RPUSD3: variants seen among roughly 807,000 people sequenced by gnomAD.
RPUSD3 encodes RNA pseudouridine synthase D3, also known as mitochondrial mRNA pseudouridine synthase RPUSD3.
Under a neutral mutation model 35.1 loss-of-function variants are expected in RPUSD3, and 36 were observed. That is an observed-to-expected ratio of 1.02 (90% CI 0.79 to 1.35). The LOEUF is 1.35. RPUSD3 is among the 40% of genes most tolerant of loss of function. The pLI, the probability that RPUSD3 is intolerant of heterozygous loss-of-function variation, is 0.00. For synonymous variants in RPUSD3, 202 were observed against 187.8 expected, an observed-to-expected ratio of 1.08 and a Z score of -0.62; for missense variants, 486 against 441.9, an observed-to-expected ratio of 1.10 and a Z score of -0.89.
intron 1 of RPUSD3, 139 bp from the exon 2 acceptor site, chr3:9,843,740 A>G (rs1348484041): frequency 1.9e-6 from 3 of 1,539,346 alleles, no homozygotes; most frequent in African/African-American, 2.7e-5. Context: ...AAATTCAGGT[A>G]CGACCGGTCC....
At position 9,840,710 on chromosome 3, in the gene RPUSD3, GTGGGCCTT is replaced by G. The variant is rs780700588; in HGVS notation, c.495_502del (p.Gln165HisfsTer9). On this transcript the variant is annotated frameshift_variant, in exon 5 of 9. Transcript: ENST00000383820. LOFTEE classifies it high-confidence loss of function. Reference sequence around the variant, plus strand: ...CAGCACCTCTCACCAGTAGGTGGCTGTGGGCCTTTGGGCTCTCCGTGCATGGGTGAAGT... The same window carrying G: ...CAGCACCTCTCACCAGTAGGTGGCTGTGGGCTCTCCGTGCATGGGTGAAGT... The G allele has an allele frequency of 6.2e-7, 1 of 1,614,026 alleles. No homozygotes were observed. Among genetic ancestry groups the G allele is most frequent in the African/African-American group, 1.3e-5 (1 of 74,926 alleles).
exon 1 of RPUSD3, chr3:9,843,919 G>C (rs1315189678): frequency 3.1e-6 from 5 of 1,605,140 alleles, no homozygotes; most frequent in East Asian, 4.5e-5. Flanking sequence ...CTGCGTCCTC[G>C]GGCACTGGGC....
rs541786123 is a variant in RPUSD3 at position 9,839,100 on chromosome 3, C to T, written c.796G>A (p.Ala266Thr). The T allele has an allele frequency of 2.5e-6, 4 of 1,614,106 alleles. No homozygotes were observed. In the African/African-American group the frequency reaches 5.3e-5, roughly 22 times the overall value. ...TGGCCCAGGACAGTGCCCACACGGGCAGAGTACATGTGGTCCCCAAGCACA... is the reference window on the plus strand; with the variant it reads ...TGGCCCAGGACAGTGCCCACACGGGTAGAGTACATGTGGTCCCCAAGCACA... Residue 266 changes from alanine to threonine, a missense_variant, in exon 8 of 9, where the codon GCC becomes ACC. Transcript: ENST00000383820.
At chr3:9,839,276 A>C in intron 7 of RPUSD3, 105 bp from the exon 8 acceptor site, 29 of 1,358,056 alleles carry the variant, frequency 2.1e-5, no homozygotes, top group Non-Finnish European at 2.5e-5. Context: ...CCCCTTTCTC[A>C]GATCATATGT....
intron 8 of RPUSD3, 85 bp from the exon 9 acceptor site, chr3:9,838,292 G>C: frequency 7.3e-7 from 1 of 1,375,264 alleles, no homozygotes; most frequent in Non-Finnish European, 1.0e-6. Context: ...GGAGTAAGGC[G>C]GGCGCTTCCT....
chr3:9,843,953 C>A, exon 1 of RPUSD3: 1 of 1,609,088 alleles, frequency 6.2e-7, no homozygotes, highest in Non-Finnish European at 8.5e-7. Context: ...CCGCCGCCAG[C>A]CACTCCAGAA....
At chr3:9,839,098 G>A in exon 8 of RPUSD3, 2 of 1,614,216 alleles carry the variant, frequency 1.2e-6, no homozygotes, top group Non-Finnish European at 1.7e-6. Context: ...TGCCCACACG[G>A]GCAGAGTACA....
intron 8 of RPUSD3, 133 bp downstream of exon 8, chr3:9,838,899 C>T (rs1043163040): frequency 1.0e-5 from 12 of 1,190,954 alleles, no homozygotes; most frequent in East Asian, 5.0e-5. Flanking sequence ...GATGTGGGTA[C>T]GGATACAGCC....
intron 2 of RPUSD3, chr3:9,843,151 TAAAGTGCCGGGA>T (rs2082127437): frequency 2.9e-6 from 1 of 347,946 alleles, no homozygotes; most frequent in Non-Finnish European, 5.4e-6. Context: ...GTCAGCACCC[TAAAGTGCCGGGA>T]TTACAGGCGT....
At chr3:9,843,979 G>T in exon 1 of RPUSD3, 1 of 1,602,912 alleles carries the variant, frequency 6.2e-7, no homozygotes, top group Non-Finnish European at 8.5e-7. Flanking sequence ...CCAAAACACG[G>T]CGGCCGTCCA....
rs1014681469 is a variant in RPUSD3 at position 9,843,985 on chromosome 3, G to A, written c.30C>T (p.Asp10=). ...AGAACCGGCCCAAAACACGGCGGCC[G>A]TCCATCTCCCGAGCCAGGACAGCGC... The change falls in exon 1 of 9, where the codon GAC becomes GAT. Residue 10 remains aspartate (D), a synonymous_variant. Coordinates refer to ENST00000383820, the Ensembl canonical transcript of RPUSD3. 6 of 1,599,670 alleles carry A rather than the reference G, an allele frequency of 3.8e-6. No homozygotes were observed. In the African/African-American group the frequency reaches 4.0e-5, roughly 11 times the overall value.
chr3:9,842,620 C>CATCCATTTCTCCCGTTAGAGAGAA (rs1266011193), intron 2 of RPUSD3: 9 of 286,938 alleles, frequency 3.1e-5, no homozygotes, highest in Admixed American at 4.6e-5. Flanking sequence ...TATTTTCTGA[C>CATCCATTTCTCCCGTTAGAGAGAA]ATCCATTTCT....
At chr3:9,842,402 G>C in intron 2 of RPUSD3, 159 bp from the exon 3 acceptor site, 1 of 723,368 alleles carries the variant, frequency 1.4e-6, no homozygotes, top group Non-Finnish European at 2.5e-6. Context: ...ACTTCTTTCT[G>C]TTCCTCTGCC....
intron 1 of RPUSD3, 23 bp downstream of exon 1, chr3:9,843,867 T>A (rs1222369104): frequency 6.9e-6 from 11 of 1,591,740 alleles, no homozygotes; most frequent in Non-Finnish European, 8.5e-6. Flanking sequence ...CCGTCCCGCA[T>A]GAGAGAGGGG....
chr3:9,839,306 T>C, intron 7 of RPUSD3, 135 bp from the exon 8 acceptor site: 1 of 938,638 alleles, frequency 1.1e-6, no homozygotes, highest in Non-Finnish European at 1.6e-6. Context: ...GTCAGTACTA[T>C]GGCCCCTGCA....
At chr3:9,839,582 G>GTT (rs146337360) in intron 7 of RPUSD3, 85 of 144,620 alleles carry the variant, frequency 5.9e-4, no homozygotes, top group Middle Eastern at 3.7e-3. Context: ...GCCAAGTGCA[G>GTT]TTTTTTTTTT....
chr3:9,843,218 G>A, intron 2 of RPUSD3: 7 of 566,964 alleles, frequency 1.2e-5, no homozygotes, highest in South Asian at 1.2e-4. Flanking sequence ...AGCAACTCCC[G>A]TAACTGAGCG....
chr3:9,840,419 T>C, intron 6 of RPUSD3, 112 bp from the exon 7 acceptor site: 7 of 1,599,940 alleles, frequency 4.4e-6, no homozygotes, highest in Non-Finnish European at 6.0e-6. Context: ...CAGTGGTCAC[T>C]TGCCTGTTTT....
At chr3:9,843,689 G>A (rs977187147) in intron 1 of RPUSD3, 88 bp from the exon 2 acceptor site, 10 of 1,559,660 alleles carry the variant, frequency 6.4e-6, no homozygotes, top group Non-Finnish European at 8.7e-6. Context: ...CAAATCCTGC[G>A]GCCTCTGACA....
Sources: gnomAD v4.1 joint callset for allele counts on GRCh38, gnomAD v4.1.1 for gene constraint, MANE v1.5 for transcripts, NCBI Gene and HGNC (gene_info 2026-07-23, HGNC 2026-07-21) for gene names.